Variants in FAM171B observed in about 807,000 individuals in gnomAD.
FAM171B encodes protein FAM171B.
Under a neutral mutation model 75.6 loss-of-function variants are expected in FAM171B, and 19 were observed. That is an observed-to-expected ratio of 0.25 (90% confidence interval 0.18 to 0.37). FAM171B has a LOEUF of 0.37. Ranked by LOEUF, FAM171B falls within the 10% of genes least tolerant of loss-of-function variation. The probability of loss-of-function intolerance (pLI) is 1.00; values close to 1 mark genes in which losing one functional copy is unlikely to be tolerated. For missense variants in FAM171B, 848 were observed against 982.4 expected, an observed-to-expected ratio of 0.86 and a Z score of 1.83; for synonymous variants, 367 against 361.7, an observed-to-expected ratio of 1.01 and a Z score of -0.17.
chr2:186,705,929 A>T (rs539452939), intron 1 of FAM171B, among the ~76,000 whole-genome samples: 4 of 152,306 alleles, frequency 2.6e-5, no homozygotes, highest in African/African-American at 9.6e-5. Flanking sequence ...AGGTTTTGTT[A>T]TGTAATAAAC....
At position 186,744,830 on chromosome 2, in the gene FAM171B, A is replaced by T. The variant is rs1261663350; in HGVS notation, c.565+1255A>T. On this transcript the variant is annotated intron_variant, in intron 3 of 7. Transcript: ENST00000304698. ...GCATGAGCCACCGTGCCTGACCAGC[A>T]TTTTTTTTTTTTTTTTTTGAGACAG... 9.2e-4 allele frequency among the ~76,000 whole-genome samples: 117 copies of T among 127,644 alleles called. 1 individual carries two copies. The highest frequency in any genetic ancestry group is 2.4e-3 in the African/African-American group (80 of 33,604). 83.7% of individuals were successfully genotyped at this position (127,644 alleles called of 152,430 possible). A position where few individuals can be genotyped will look rare whatever the true frequency, so the allele number is the denominator to read the frequency against.
In FAM171B at chr2:186,738,518, G is replaced by A. The variant is rs143192407; in HGVS notation, c.239-1710G>A. 4.6e-5 allele frequency among the ~76,000 whole-genome samples: 7 copies of A among 152,188 alleles called. No homozygotes were observed. In the East Asian group the frequency reaches 9.7e-4, roughly 21 times the overall value. ...AAAGAACCGTTCAGTTGGTTAAAAG[G>A]CATCATCCAAAAGGAACCAATCAAG... is the stretch of plus-strand genomic sequence containing the variant. On this transcript the variant is annotated intron_variant, in intron 1 of 7. Coordinates refer to ENST00000304698, the MANE Select transcript of FAM171B (RefSeq NM_177454.4).
At chr2:186,747,817 CATAAT>C (rs990477617) in intron 4 of FAM171B, among the ~76,000 whole-genome samples, 2 of 152,066 alleles carry the variant, frequency 1.3e-5, no homozygotes, top group Admixed American at 6.6e-5. Flanking sequence ...ATAAGGCTGT[CATAAT>C]ATAAAAGTTA....
At chr2:186,722,366 A>G (rs902047966) in intron 1 of FAM171B, among the ~76,000 whole-genome samples, 3 of 152,190 alleles carry the variant, frequency 2.0e-5, no homozygotes, top group Admixed American at 2.0e-4. Flanking sequence ...ATTCTAAGAA[A>G]AGATTGATCA....
At chr2:186,743,601 A>G (rs1161209159) in intron 3 of FAM171B, 26 bp downstream of exon 3, 1 of 1,408,444 alleles carries the variant, frequency 7.1e-7, no homozygotes, top group Admixed American at 1.7e-5. Context: ...CTTACTAAGT[A>G]AACACTTAAA....
At chr2:186,727,234 T>G (rs1036327481) in intron 1 of FAM171B, among the ~76,000 whole-genome samples, 9 of 152,156 alleles carry the variant, frequency 5.9e-5, no homozygotes, top group Admixed American at 5.9e-4. Flanking sequence ...ATATCATGTA[T>G]CATTAATCTG....
At chr2:186,756,472 T>C (rs973676279) in intron 6 of FAM171B, among the ~76,000 whole-genome samples, 54 of 152,046 alleles carry the variant, frequency 3.6e-4, no homozygotes, top group African/African-American at 1.2e-3. Context: ...AACTGCAGAG[T>C]AGTAACTGGC....
At position 186,761,583 on chromosome 2, in the gene FAM171B, C is replaced by T. The variant is rs1690616356; in HGVS notation, c.1241C>T (p.Thr414Ile). The T allele has an allele frequency of 6.2e-7, 1 of 1,613,242 alleles. No homozygotes were observed. Among genetic ancestry groups the T allele is most frequent in the Non-Finnish European group, 8.5e-7 (1 of 1,179,574 alleles). ...ACAACACACATAAATCATATCAGTA[C>T]AGTTAAAGTTGCATTAAAAGCTGAG... ...TSTTHINHIS[T>I]VKVALKAEDK... Residue 414 changes from threonine to isoleucine, a missense_variant, in exon 8 of 8, where the codon ACA becomes ATA. Physicochemically the swap from Thr to Ile is moderately conservative, Grantham distance 89. Coordinates refer to ENST00000304698, the MANE Select transcript of FAM171B (RefSeq NM_177454.4).
At position 186,762,870 on chromosome 2, in the gene FAM171B, C is replaced by T. The variant is rs750974731; in HGVS notation, c.*47C>T. 1.9e-6 allele frequency: 3 copies of T among 1,552,464 alleles called. No individual in the cohort carries two copies. In the African/African-American group the frequency reaches 4.1e-5, roughly 21 times the overall value. On this transcript the variant is annotated 3_prime_UTR_variant, in exon 8 of 8. Coordinates refer to ENST00000304698, the MANE Select transcript of FAM171B (RefSeq NM_177454.4). This position sits in a 1 kb window ranked among gnomAD's most constrained non-coding sequence, Gnocchi z 4.0. ...TGCTGTCTCGTGCTGTTTATTCTTG[C>T]TTCTTGTTGTAAATTGCAGTACGAA...
chr2:186,763,428 A>C lies in FAM171B; in HGVS notation c.*605A>C, dbSNP rs1163088521. 1.3e-5 allele frequency: 2 copies of C among 152,168 alleles called. No individual in the cohort carries two copies. The highest frequency in any genetic ancestry group is 3.8e-4 in the East Asian group (2 of 5,202). 9.4% of individuals were successfully genotyped at this position (152,168 alleles called of 1,614,324 possible). On this transcript the variant is annotated 3_prime_UTR_variant, in exon 8 of 8. Transcript: ENST00000304698. The stretch of plus-strand genomic sequence containing the variant: ...ATGGGCAAGAAGCTACTTGGTCATT[A>C]GAGAGGGAGACACCAGCTCTTTGGT...
intron 2 of FAM171B, among the ~76,000 whole-genome samples, chr2:186,742,410 G>T (rs1049180639): frequency 2.6e-5 from 4 of 152,030 alleles, no homozygotes; most frequent in African/African-American, 9.7e-5. Flanking sequence ...CCATTAATCA[G>T]TCTAAATGTT....
At chr2:186,749,250 GT>G (rs993837925) in intron 4 of FAM171B, among the ~76,000 whole-genome samples, 1 of 152,020 alleles carries the variant, frequency 6.6e-6, no homozygotes, top group Non-Finnish European at 1.5e-5. Context: ...CCTTCTCATT[GT>G]TTTTTTCAGT....
chr2:186,731,072 G>A (rs1261864146), intron 1 of FAM171B, among the ~76,000 whole-genome samples: 2 of 152,162 alleles, frequency 1.3e-5, no homozygotes, highest in Admixed American at 6.5e-5. Flanking sequence ...TGTTCAGTTT[G>A]TCTCTCATGC....
intron 1 of FAM171B, among the ~76,000 whole-genome samples, chr2:186,695,995 AAT>A (rs3029380): frequency 0.66 from 99,954 of 151,362 alleles, 33,213 homozygotes; most frequent in East Asian, 0.81. Context: ...TGACTACTGT[AAT>A]ATATATATAT....
At chr2:186,720,700 CAA>C (rs71411184) in intron 1 of FAM171B, among the ~76,000 whole-genome samples, 30 of 110,238 alleles carry the variant, frequency 2.7e-4, no homozygotes, top group East Asian at 1.3e-3. Context: ...AGATCATGTA[CAA>C]AAAAAAAAAA....
intron 2 of FAM171B, among the ~76,000 whole-genome samples, chr2:186,743,115 T>A (rs564240297): frequency 1.8e-4 from 28 of 152,086 alleles, no homozygotes; most frequent in Middle Eastern, 3.4e-3. Context: ...AGAAAAAAAA[T>A]TTTTAAATCT....
At position 186,694,071 on chromosome 2, in the gene FAM171B, G is replaced by A. The variant is rs1464893280; in HGVS notation, c.-103G>A. The A allele has an allele frequency of 5.9e-6, 8 of 1,361,664 alleles. No homozygotes were observed. The highest frequency in any genetic ancestry group is 9.4e-7 in the Non-Finnish European group (1 of 1,058,544). 84.3% of individuals were successfully genotyped at this position (1,361,664 alleles called of 1,614,324 possible). On this transcript the variant is annotated 5_prime_UTR_variant, in exon 1 of 8. Coordinates refer to ENST00000304698, the MANE Select transcript of FAM171B (RefSeq NM_177454.4). ...TGAGGGAGTGCTTGGCAGATTGCGC[G>A]AGGGGGAGCGAGCGAGCGGGCGCTG...
chr2:186,710,435 A>C (rs1457113375), intron 1 of FAM171B, among the ~76,000 whole-genome samples: 3 of 152,120 alleles, frequency 2.0e-5, no homozygotes, highest in Non-Finnish European at 4.4e-5. Context: ...GACCTTATTT[A>C]TTTCCACCAC....
At chr2:186,753,035 A>G (rs982124403) in intron 5 of FAM171B, among the ~76,000 whole-genome samples, 2 of 152,236 alleles carry the variant, frequency 1.3e-5, no homozygotes, top group Non-Finnish European at 2.9e-5. Context: ...AATTAAGGCC[A>G]TAAAACAGTA....
Sources: gnomAD v4.1 joint callset for allele counts (sites outside exome capture counted in the v4.1 genomes callset) on GRCh38, gnomAD v4.1.1 for gene constraint, Gnocchi (gnomAD v3.1) non-coding constraint, MANE v1.5 for transcripts, NCBI Gene and HGNC (gene_info 2026-07-23, HGNC 2026-07-21) for gene names.